GRM1: variants seen among roughly 807,000 people sequenced by gnomAD.
GRM1 encodes the protein metabotropic glutamate receptor 1.
GRM1 carries 33 observed loss-of-function variants against 90.9 expected under a neutral mutation model. The observed-to-expected ratio is 0.36, with a 90% CI of 0.28 to 0.49. GRM1 has a LOEUF of 0.49. Ranked by LOEUF, GRM1 falls within the 20% of genes least tolerant of loss-of-function variation. The probability of loss-of-function intolerance (pLI) is 0.99; values close to 1 mark genes in which losing one functional copy is unlikely to be tolerated. For synonymous variants in GRM1, 700 were observed against 613.2 expected, an observed-to-expected ratio of 1.14 and a Z score of -2.09; for missense variants, 1,190 against 1,534.3, an observed-to-expected ratio of 0.78 and a Z score of 3.75.
At chr6:146,285,407 G>A (rs1232823156) in intron 2 of GRM1, among the ~76,000 whole-genome samples, 2 of 152,158 alleles carry the variant, frequency 1.3e-5, no homozygotes, top group Admixed American at 1.3e-4. Context: ...GTCTCAGAGT[G>A]ACAAACACCG....
chr6:146,157,467 C>A (rs1777562111), intron 1 of GRM1, among the ~76,000 whole-genome samples: 1 of 151,988 alleles, frequency 6.6e-6, no homozygotes, highest in Non-Finnish European at 1.5e-5. Flanking sequence ...TTTTGTATAT[C>A]AATTAGAAGT....
intron 1 of GRM1, among the ~76,000 whole-genome samples, chr6:146,064,002 T>C (rs1282993189): frequency 6.6e-6 from 1 of 152,178 alleles, no homozygotes; most frequent in African/African-American, 2.4e-5. Context: ...TTTCTTCATA[T>C]TTAGATAACT....
intron 2 of GRM1, among the ~76,000 whole-genome samples, chr6:146,303,340 G>A (rs975168727): frequency 1.3e-5 from 2 of 152,058 alleles, no homozygotes; most frequent in African/African-American, 4.8e-5. Context: ...TCCATCCCCT[G>A]ACCAAGACAG....
intron 1 of GRM1, among the ~76,000 whole-genome samples, chr6:146,054,615 C>T (rs1282799740): frequency 1.3e-5 from 2 of 152,032 alleles, no homozygotes; most frequent in Non-Finnish European, 2.9e-5. Flanking sequence ...CATAGACATT[C>T]ATTTCTCACA....
chr6:146,418,236 C>CT (rs1332702080), intron 7 of GRM1, among the ~76,000 whole-genome samples: 1 of 151,844 alleles, frequency 6.6e-6, no homozygotes, highest in African/African-American at 2.4e-5. Context: ...TACATTATAT[C>CT]TTTTTTTAAG....
At chr6:146,036,875 A>G (rs1185255463) in intron 1 of GRM1, among the ~76,000 whole-genome samples, 1 of 151,872 alleles carries the variant, frequency 6.6e-6, no homozygotes, top group Non-Finnish European at 1.5e-5. Context: ...TGCATCACAT[A>G]TTTTTCTTGG....
At chr6:146,388,449 A>T (rs1183629795) in intron 6 of GRM1, among the ~76,000 whole-genome samples, 10 of 152,202 alleles carry the variant, frequency 6.6e-5, no homozygotes, top group Non-Finnish European at 1.5e-4. Context: ...TACATAAAAA[A>T]TGACTAGGTA....
At chr6:146,168,401 ATTG>A (rs151088362) in intron 2 of GRM1, among the ~76,000 whole-genome samples, 2,392 of 152,004 alleles carry the variant, frequency 0.016, 50 homozygotes, top group African/African-American at 0.054. Context: ...TTTTGATTCT[ATTG>A]TTATTATGTA....
At chr6:146,142,557 G>A (rs531958248) in intron 1 of GRM1, among the ~76,000 whole-genome samples, 2 of 152,028 alleles carry the variant, frequency 1.3e-5, no homozygotes, top group African/African-American at 4.8e-5. Context: ...GAAAACTTAG[G>A]GATTTACCTT....
intron 2 of GRM1, among the ~76,000 whole-genome samples, chr6:146,242,801 T>G (rs1212446559): frequency 2.0e-5 from 3 of 152,142 alleles, no homozygotes; most frequent in Non-Finnish European, 4.4e-5. Flanking sequence ...TTTCCCCTCC[T>G]CTTTAAAAAA....
chr6:146,130,459 GTTTTA>G (rs1776360767), intron 1 of GRM1, among the ~76,000 whole-genome samples: 1 of 151,992 alleles, frequency 6.6e-6, no homozygotes, highest in Non-Finnish European at 1.5e-5. Context: ...TAGCTAACTA[GTTTTA>G]TTTTATATTT....
At chr6:146,404,710 C>T (rs1053565279) in intron 7 of GRM1, among the ~76,000 whole-genome samples, 1 of 152,250 alleles carries the variant, frequency 6.6e-6, no homozygotes, top group Middle Eastern at 3.4e-3. Context: ...TGTTGGGCAA[C>T]TTTGCAAATG....
chr6:146,275,490 G>A (rs189096263), intron 2 of GRM1, among the ~76,000 whole-genome samples: 20 of 151,754 alleles, frequency 1.3e-4, no homozygotes, highest in Admixed American at 7.2e-4. Context: ...CCCCCCACCC[G>A]GTGCCCCTGT....
At chr6:146,206,430 A>G (rs1480640754) in intron 2 of GRM1, among the ~76,000 whole-genome samples, 4 of 151,986 alleles carry the variant, frequency 2.6e-5, no homozygotes, top group Non-Finnish European at 4.4e-5. Context: ...AATATTACAA[A>G]GTTATGCCTA....
intron 7 of GRM1, among the ~76,000 whole-genome samples, chr6:146,426,904 G>A (rs1428186427): frequency 6.6e-6 from 1 of 151,174 alleles, no homozygotes; most frequent in African/African-American, 2.4e-5. Flanking sequence ...ACTCACTTTT[G>A]TTTGTGACTC....
intron 2 of GRM1, among the ~76,000 whole-genome samples, chr6:146,239,833 A>G (rs1780786650): frequency 6.6e-6 from 1 of 152,050 alleles, no homozygotes; most frequent in African/African-American, 2.4e-5. Flanking sequence ...CTTTTTTTAA[A>G]GTTCCCCCCG....
intron 2 of GRM1, among the ~76,000 whole-genome samples, chr6:146,212,446 G>A (rs1008948474): frequency 6.6e-6 from 1 of 152,136 alleles, no homozygotes; most frequent in African/African-American, 2.4e-5. Flanking sequence ...AGTAGGTGAC[G>A]CGGGTTGGGT....
intron 1 of GRM1, among the ~76,000 whole-genome samples, chr6:146,110,572 A>G (rs369575997): frequency 1.3e-5 from 2 of 152,164 alleles, no homozygotes; most frequent in African/African-American, 4.8e-5. Flanking sequence ...GTGGCTTCCC[A>G]TCTGTTTGTG....
At chr6:146,226,165 A>G (rs1177054805) in intron 2 of GRM1, among the ~76,000 whole-genome samples, 2 of 152,168 alleles carry the variant, frequency 1.3e-5, no homozygotes, top group Admixed American at 6.6e-5. Context: ...CGAACAGGGC[A>G]AAAGGAGAAG....
Sources: allele counts gnomAD v4.1 joint callset (sites outside exome capture counted in the v4.1 genomes callset), GRCh38; gene constraint gnomAD v4.1.1; transcripts MANE v1.5; gene names NCBI Gene and HGNC (gene_info 2026-07-23, HGNC 2026-07-21).